ZNF462: variants seen among roughly 807,000 people sequenced by gnomAD.
ZNF462 encodes zinc finger PBX1-interacting protein.
Under a neutral mutation model 201.9 loss-of-function variants are expected in ZNF462, and 10 were observed. That is an observed-to-expected ratio of 0.05 (90% CI 0.03 to 0.08). The LOEUF (loss-of-function observed/expected upper bound fraction) is 0.08. Among genes scored for constraint, ZNF462 ranks in the 10% least tolerant of loss-of-function variants. The probability of loss-of-function intolerance (pLI) is 1.00; values close to 1 mark genes in which losing one functional copy is unlikely to be tolerated. For missense variants in ZNF462, 2,523 were observed against 3,168.3 expected (o/e 0.80, Z 4.89); for synonymous variants, 1,227 against 1,193.3 (o/e 1.03, Z -0.58).
At chr9:106,912,459 G>A (rs1829592296) in intron 1 of ZNF462, among the ~76,000 whole-genome samples, 1 of 152,176 alleles carries the variant, frequency 6.6e-6, no homozygotes, top group South Asian at 2.1e-4. Flanking sequence ...TCAGAGTAGA[G>A]GAGACACTTG....
At position 106,902,619 on chromosome 9, in the gene ZNF462, A is replaced by G. The variant is rs982664172; in HGVS notation, c.-30-20735A>G. ...CTCACTGCTTGTTATTGGTCTGTTC[A>G]GGGTACCTAATTCTTCCTGATTTAA... On this transcript the variant is annotated intron_variant, in intron 1 of 12. Transcript: ENST00000277225. This position sits in a 1 kb window ranked among gnomAD's most constrained non-coding sequence, Gnocchi z 4.2. Among the ~76,000 whole-genome samples the G allele has an allele frequency of 2.6e-5, 4 of 152,056 alleles. No homozygotes were observed. The highest frequency in any genetic ancestry group is 9.7e-5 in the African/African-American group (4 of 41,404).
At chr9:106,888,284 G>A (rs1209979026) in intron 1 of ZNF462, among the ~76,000 whole-genome samples, 4 of 151,384 alleles carry the variant, frequency 2.6e-5, no homozygotes, top group Admixed American at 2.0e-4. Context: ...CTCGTGATCC[G>A]CCCACCTCGG....
Position 107,008,122 on chromosome 9 carries a change from G to T in ZNF462, c.7190-1423G>T, listed in dbSNP as rs1024699193. 6.6e-6 allele frequency among the ~76,000 whole-genome samples: 1 copy of T among 152,044 alleles called. No individual in the cohort carries two copies. Among genetic ancestry groups the T allele is most frequent in the African/African-American group, 2.4e-5 (1 of 41,410 alleles). ...GAAGAAATCAAAATTAACCCAAGCA[G>T]AATCCTCCCCACCCCCCTCTCATTA... On this transcript the variant is annotated intron_variant, in intron 11 of 12. Coordinates refer to ENST00000277225, the MANE Select transcript of ZNF462 (RefSeq NM_021224.6). The surrounding 1 kb of genome is among the most constrained non-coding windows in gnomAD (Gnocchi z 4.8).
chr9:106,944,076 C>T (rs762685197), intron 7 of ZNF462, among the ~76,000 whole-genome samples: 8 of 152,150 alleles, frequency 5.3e-5, no homozygotes, highest in Non-Finnish European at 1.0e-4. Flanking sequence ...ACCCTTCTGT[C>T]CCTCAGAATG....
chr9:106,925,017 G>A lies in ZNF462; in HGVS notation c.1105G>A (p.Asp369Asn). Residue 369 changes from aspartate (D) to asparagine (N), a missense_variant, in exon 3 of 13, where the codon GAC becomes AAC. Physicochemically the swap from Asp to Asn is conservative, Grantham distance 23. Coordinates refer to ENST00000277225, the MANE Select transcript of ZNF462 (RefSeq NM_021224.6). The surrounding 1 kb of genome is among the most constrained non-coding windows in gnomAD (Gnocchi z 7.9). ...LTERSRYGMT[D>N]MTNSSADLET... ...AGAGAGATCCCGTTATGGAATGACT[G>A]ACATGACCAATTCTTCTGCTGACCT... 6.2e-7 allele frequency: 1 copy of A among 1,614,166 alleles called. No homozygotes were observed. Among genetic ancestry groups the A allele is most frequent in the Admixed American group, 1.7e-5 (1 of 60,032 alleles).
rs1010481195 is a variant in ZNF462 at position 106,913,897 on chromosome 9, C to T, written c.-30-9457C>T. On this transcript the variant is annotated intron_variant, in intron 1 of 12. Transcript: ENST00000277225. The surrounding 1 kb of genome is among the most constrained non-coding windows in gnomAD (Gnocchi z 4.1). ...GATTACAGGCATGAGACACTGTGCCCAGCTGACTTGACCATTTTTAATGAC... is the reference window on the plus strand; with the variant it reads ...GATTACAGGCATGAGACACTGTGCCTAGCTGACTTGACCATTTTTAATGAC... Among the ~76,000 whole-genome samples the T allele has an allele frequency of 6.6e-6, 1 of 150,606 alleles. No individual in the cohort carries two copies. The highest frequency in any genetic ancestry group is 2.2e-4 in the South Asian group (1 of 4,472).
Position 106,981,546 on chromosome 9 carries a change from G to C in ZNF462, c.6833-2640G>C, listed in dbSNP as rs968991461. Among the ~76,000 whole-genome samples the C allele has an allele frequency of 1.3e-5, 2 of 152,224 alleles. No individual in the cohort carries two copies. Among genetic ancestry groups the C allele is most frequent in the African/African-American group, 4.8e-5 (2 of 41,456 alleles). ...GGGTGTTATGAGAACAAAAAGTTAT[G>C]TCAAGGGTAGAACACCTAACGGTGC... On this transcript the variant is annotated intron_variant, in intron 9 of 12. Coordinates refer to ENST00000277225, the MANE Select transcript of ZNF462 (RefSeq NM_021224.6). The surrounding 1 kb of genome is among the most constrained non-coding windows in gnomAD (Gnocchi z 4.0).
chr9:106,892,440 C>T (rs1208441263), intron 1 of ZNF462, among the ~76,000 whole-genome samples: 1 of 152,098 alleles, frequency 6.6e-6, no homozygotes, highest in Non-Finnish European at 1.5e-5. Context: ...TCAATAACAC[C>T]ACAATCTCAG....
At chr9:106,941,133 C>T (rs551269343) in intron 7 of ZNF462, among the ~76,000 whole-genome samples, 2 of 152,264 alleles carry the variant, frequency 1.3e-5, no homozygotes, top group East Asian at 3.9e-4. Flanking sequence ...ATCCTTTAAA[C>T]CCACCCACTG....
At chr9:106,896,448 C>T (rs898538349) in intron 1 of ZNF462, among the ~76,000 whole-genome samples, 1 of 152,180 alleles carries the variant, frequency 6.6e-6, no homozygotes, top group Admixed American at 6.5e-5. Context: ...AAGCCAGACT[C>T]AACCTCATGG....
intron 10 of ZNF462, among the ~76,000 whole-genome samples, chr9:106,985,750 A>G (rs144222735): frequency 6.6e-6 from 1 of 152,270 alleles, no homozygotes; most frequent in Non-Finnish European, 1.5e-5. Context: ...TTTAGTCTGA[A>G]TCATCTGCAC....
In ZNF462 at chr9:106,876,122, C is replaced by T. The variant is rs1587982414; in HGVS notation, c.-31+12767C>T. ...GTGGAATATACTCTTTGGGGCCACA[C>T]AAGCTGAGGCTGAAATTTGTCTCTG... On this transcript the variant is annotated intron_variant, in intron 1 of 12. Transcript: ENST00000277225. The surrounding 1 kb of genome is among the most constrained non-coding windows in gnomAD (Gnocchi z 4.9). 1.3e-5 allele frequency among the ~76,000 whole-genome samples: 2 copies of T among 152,270 alleles called. No individual in the cohort carries two copies.
intron 11 of ZNF462, among the ~76,000 whole-genome samples, chr9:107,004,789 G>A (rs1220182421): frequency 1.3e-5 from 2 of 152,000 alleles, no homozygotes; most frequent in Non-Finnish European, 2.9e-5. Flanking sequence ...ATTAACTGTA[G>A]CCACTGTGTT....
At chr9:106,887,031 C>G (rs1828349952) in intron 1 of ZNF462, among the ~76,000 whole-genome samples, 3 of 152,148 alleles carry the variant, frequency 2.0e-5, no homozygotes, top group Admixed American at 1.3e-4. Context: ...CCTTGGTGTT[C>G]ATGAAGACAT....
At chr9:106,893,673 G>C (rs1049875883) in intron 1 of ZNF462, among the ~76,000 whole-genome samples, 1 of 152,146 alleles carries the variant, frequency 6.6e-6, no homozygotes, top group Non-Finnish European at 1.5e-5. Context: ...CTCAGGAGAC[G>C]GCAGGAACTA....
chr9:106,879,332 A>ACCCCCCCCCCCCCC (rs796290122), intron 1 of ZNF462, among the ~76,000 whole-genome samples: 8 of 70,634 alleles, frequency 1.1e-4, no homozygotes, highest in Non-Finnish European at 1.7e-4. Context: ...GATGCTTTCC[A>ACCCCCCCCCCCCCC]CCCCCCCCCC....
chr9:106,884,741 T>C (rs1828246691), intron 1 of ZNF462, among the ~76,000 whole-genome samples: 1 of 152,236 alleles, frequency 6.6e-6, no homozygotes, highest in Admixed American at 6.5e-5. Flanking sequence ...TGTTTGTTTG[T>C]TTGTTTTTTC....
rs1828460143 is a variant in ZNF462 at position 106,993,657 on chromosome 9, C to T, written c.7056+9248C>T. The stretch of plus-strand genomic sequence containing the variant: ...TCCCTTCCTTCACTCCCTGCATTCT[C>T]TGTCCCCCAACATTCTACCCCCCAA... On this transcript the variant is annotated intron_variant, in intron 10 of 12. Coordinates refer to ENST00000277225, the MANE Select transcript of ZNF462 (RefSeq NM_021224.6). The surrounding 1 kb of genome is among the most constrained non-coding windows in gnomAD (Gnocchi z 4.0). 6.6e-6 allele frequency among the ~76,000 whole-genome samples: 1 copy of T among 151,412 alleles called. No homozygotes were observed. The highest frequency in any genetic ancestry group is 2.4e-5 in the African/African-American group (1 of 41,132).
chr9:106,872,733 T>C lies in ZNF462; in HGVS notation c.-31+9378T>C. On this transcript the variant is annotated intron_variant, in intron 1 of 12. Transcript: ENST00000277225. The surrounding 1 kb of genome is among the most constrained non-coding windows in gnomAD (Gnocchi z 4.5). ...AACTTCCCCCCTTTCTGCTGTCAATTGAATATTGTCTGTTCTAATACTGGG... is the reference window on the plus strand; with the variant it reads ...AACTTCCCCCCTTTCTGCTGTCAATCGAATATTGTCTGTTCTAATACTGGG... 6.6e-6 allele frequency among the ~76,000 whole-genome samples: 1 copy of C among 152,126 alleles called. No individual in the cohort carries two copies. Among genetic ancestry groups the C allele is most frequent in the African/African-American group, 2.4e-5 (1 of 41,414 alleles).
Sources: gnomAD v4.1 joint callset for allele counts (sites outside exome capture counted in the v4.1 genomes callset) on GRCh38, gnomAD v4.1.1 for gene constraint, Gnocchi (gnomAD v3.1) non-coding constraint, MANE v1.5 for transcripts, NCBI Gene and HGNC (gene_info 2026-07-23, HGNC 2026-07-21) for gene names.